The following DST variants were observed in gnomAD, a reference collection of about 807,000 sequenced individuals.
DST encodes bullous pemphigoid antigen.
A neutral mutation model predicts 875.2 loss-of-function variants in DST; 253 were observed. The observed-to-expected ratio is 0.29, with a 90% CI of 0.26 to 0.32. DST has a LOEUF of 0.32. DST is among the 10% of genes least tolerant of loss of function. The probability of loss-of-function intolerance (pLI) is 1.00; values close to 1 mark genes in which losing one functional copy is unlikely to be tolerated. For missense variants in DST, 8,287 were observed against 9,111.6 expected (o/e 0.91, Z 3.68); for synonymous variants, 3,124 against 3,197.1 (o/e 0.98, Z 0.77).
At chr6:56,821,068 G>A (rs2099772525) in intron 4 of DST, among the ~76,000 whole-genome samples, 1 of 152,194 alleles carries the variant, frequency 6.6e-6, no homozygotes, top group South Asian at 2.1e-4. Context: ...GGAGATAAAA[G>A]CTAAGTGCCA....
chr6:56,481,169 T>C (rs1312535807), intron 90 of DST, among the ~76,000 whole-genome samples: 3 of 152,106 alleles, frequency 2.0e-5, no homozygotes, highest in African/African-American at 4.8e-5. Context: ...ACATAACAAG[T>C]CTCCACACAT....
chr6:56,686,505 T>G (rs1300832001), intron 9 of DST, among the ~76,000 whole-genome samples: 1 of 152,180 alleles, frequency 6.6e-6, no homozygotes, highest in Non-Finnish European at 1.5e-5. Flanking sequence ...TTCATTGTTG[T>G]TGTTTTGTTT....
At chr6:56,736,994 T>C in intron 4 of DST, among the ~76,000 whole-genome samples, 1 of 89,514 alleles carries the variant, frequency 1.1e-5, no homozygotes, top group Admixed American at 9.0e-5. Context: ...GGCAACATGA[T>C]GAAATCCGGG....
At position 56,508,804 on chromosome 6, in the gene DST, C is replaced by A. The variant is rs773902389; in HGVS notation, c.19013-49G>T. 10 of 1,424,324 alleles carry A rather than the reference C, an allele frequency of 7.0e-6. No homozygotes were observed. The East Asian group carries it at 2.1e-4, about 29-fold the overall frequency. 88.2% of individuals were successfully genotyped at this position (1,424,324 alleles called of 1,614,324 possible). On this transcript the variant is annotated intron_variant, in intron 74 of 103. Transcript: ENST00000680361. ...AAGGCGACTGGTTAGCCCCACGTAA[C>A]CAACAAAGCAGAATGTTATAGTTCA...
intron 4 of DST, among the ~76,000 whole-genome samples, chr6:56,796,888 T>C (rs1590635291): frequency 6.6e-6 from 1 of 152,124 alleles, no homozygotes; most frequent in East Asian, 1.9e-4. Context: ...ATGTCTGCAG[T>C]TTGCATATTT....
intron 4 of DST, among the ~76,000 whole-genome samples, chr6:56,782,855 G>A (rs1206214068): frequency 6.6e-6 from 1 of 151,856 alleles, no homozygotes; most frequent in Non-Finnish European, 1.5e-5. Flanking sequence ...TCTCTTGTGG[G>A]CATTTAGTGC....
At chr6:56,727,476 T>A (rs1175240463) in intron 5 of DST, among the ~76,000 whole-genome samples, 4 of 152,238 alleles carry the variant, frequency 2.6e-5, no homozygotes, top group Non-Finnish European at 5.9e-5. Context: ...ATTTAGAATA[T>A]GTTAGCACCA....
intron 3 of DST, among the ~76,000 whole-genome samples, chr6:56,866,684 C>A (rs1475886803): frequency 6.6e-6 from 1 of 152,214 alleles, no homozygotes; most frequent in South Asian, 2.1e-4. Context: ...TTATTACCAT[C>A]TGAAACATTA....
intron 2 of DST, among the ~76,000 whole-genome samples, chr6:56,929,680 CAAAT>C: frequency 6.6e-6 from 1 of 152,038 alleles, no homozygotes; most frequent in East Asian, 1.9e-4. Context: ...AAAAATCAAA[CAAAT>C]AAAAACAATA....
intron 4 of DST, among the ~76,000 whole-genome samples, chr6:56,850,336 G>A (rs936628688): frequency 1.3e-5 from 2 of 151,032 alleles, no homozygotes; most frequent in African/African-American, 4.9e-5. Context: ...CTTGATGGCC[G>A]GAATCTGGGC....
Position 56,515,440 on chromosome 6 carries a change from C to T in DST, c.18576+10G>A, listed in dbSNP as rs2152485973. ...GGGGAATACAATATTCTCTTTCACA[C>T]CAGGCTTACCCGATGTTCTTCCTGC... On this transcript the variant is annotated intron_variant, in intron 72 of 103. Transcript: ENST00000680361. 1.2e-6 allele frequency: 2 copies of T among 1,613,286 alleles called. No individual in the cohort carries two copies. The highest frequency in any genetic ancestry group is 1.7e-6 in the Non-Finnish European group (2 of 1,179,380).
intron 2 of DST, among the ~76,000 whole-genome samples, chr6:56,927,508 C>G (rs538230624): frequency 2.6e-5 from 4 of 152,138 alleles, no homozygotes; most frequent in African/African-American, 9.6e-5. Context: ...ATCCTAATTA[C>G]AATATCAGCA....
intron 102 of DST, among the ~76,000 whole-genome samples, chr6:56,462,699 G>A (rs1231096764): frequency 6.6e-6 from 1 of 151,904 alleles, no homozygotes; most frequent in Non-Finnish European, 1.5e-5. Flanking sequence ...AGTATATTTA[G>A]TAGCTTTAAA....
At chr6:56,492,838 G>A in intron 84 of DST, 96 bp downstream of exon 84, 1 of 1,089,164 alleles carries the variant, frequency 9.2e-7, no homozygotes, top group Non-Finnish European at 1.3e-6. Context: ...CACCACCACA[G>A]TCCTGGACGA....
chr6:56,905,686 T>A (rs1796086586), intron 2 of DST, among the ~76,000 whole-genome samples: 1 of 151,830 alleles, frequency 6.6e-6, no homozygotes, highest in African/African-American at 2.4e-5. Context: ...TCTTGCTTTG[T>A]CACCCAGGCT....
intron 9 of DST, 43 bp from the exon 10 acceptor site, chr6:56,670,850 G>A: frequency 1.5e-6 from 2 of 1,321,076 alleles, no homozygotes; most frequent in Non-Finnish European, 1.0e-6. Context: ...AAGGAAGGAA[G>A]CTAACTCAGA....
At position 56,781,477 on chromosome 6, in the gene DST, G is replaced by T. The variant is rs551262602; in HGVS notation, c.626-46188C>A. On this transcript the variant is annotated intron_variant, in intron 4 of 103. Transcript: ENST00000680361. ...GGATTCCTAAGTATTTTATTCTCTT[G>T]GAAGCAACTGTGAATGGGAGTTCAC... Among the ~76,000 whole-genome samples, 514 of 152,144 alleles carry T rather than the reference G, an allele frequency of 3.4e-3. 4 individuals carry two copies. The highest frequency in any genetic ancestry group is 0.012 in the African/African-American group (499 of 41,512).
chr6:56,576,146 T>G (rs1214794305), intron 50 of DST, among the ~76,000 whole-genome samples: 1 of 152,178 alleles, frequency 6.6e-6, no homozygotes, highest in African/African-American at 2.4e-5. Context: ...GGGGAGCTTC[T>G]GAATAGCTGA....
intron 4 of DST, among the ~76,000 whole-genome samples, chr6:56,745,963 A>G (rs1418577009): frequency 6.6e-6 from 1 of 152,130 alleles, no homozygotes; most frequent in Non-Finnish European, 1.5e-5. Flanking sequence ...TGGGTGTGTA[A>G]AATGGCAGAG....
Sources: allele counts gnomAD v4.1 joint callset (sites outside exome capture counted in the v4.1 genomes callset), GRCh38; gene constraint gnomAD v4.1.1; transcripts MANE v1.5; gene names NCBI Gene and HGNC (gene_info 2026-07-23, HGNC 2026-07-21).